TBC1D22A: variants seen among roughly 807,000 people sequenced by gnomAD.
TBC1D22A encodes putative GTPase activator.
In TBC1D22A, 38 loss-of-function variants were observed where a neutral mutation model predicts 60.2. The ratio of observed to expected loss-of-function variants is 0.63; its 90% CI spans 0.49 to 0.83. TBC1D22A has a LOEUF of 0.83. TBC1D22A is among the 40% of genes least tolerant of loss of function. The pLI, the probability that TBC1D22A is intolerant of heterozygous loss-of-function variation, is 0.00. For missense variants in TBC1D22A, 628 were observed against 701.0 expected (o/e 0.90, Z 1.18); for synonymous variants, 302 against 281.7 (o/e 1.07, Z -0.72).
At chr22:47,079,356 G>T (rs1176002408) in intron 11 of TBC1D22A, among the ~76,000 whole-genome samples, 1 of 152,112 alleles carries the variant, frequency 6.6e-6, no homozygotes, top group Non-Finnish European at 1.5e-5. Context: ...CAAAGTACTG[G>T]GATTACAGAC....
chr22:46,880,913 A>C (rs758387870), intron 5 of TBC1D22A, among the ~76,000 whole-genome samples: 1 of 152,140 alleles, frequency 6.6e-6, no homozygotes, highest in Non-Finnish European at 1.5e-5. Flanking sequence ...TGTCGTTGCA[A>C]ATGTTGGGTG....
chr22:47,139,364 C>T (rs1380506703), intron 12 of TBC1D22A, among the ~76,000 whole-genome samples: 2 of 152,216 alleles, frequency 1.3e-5, no homozygotes, highest in African/African-American at 4.8e-5. Flanking sequence ...CCTCCCAGGG[C>T]TCCTTAGCAG....
chr22:46,861,815 T>C (rs1188418390), intron 4 of TBC1D22A, among the ~76,000 whole-genome samples: 1 of 152,268 alleles, frequency 6.6e-6, no homozygotes, highest in Non-Finnish European at 1.5e-5. Context: ...CAGCCCACTC[T>C]GCTTCTCTCT....
chr22:47,081,821 G>A (rs1254488176), intron 11 of TBC1D22A, among the ~76,000 whole-genome samples: 1 of 151,232 alleles, frequency 6.6e-6, no homozygotes, highest in African/African-American at 2.4e-5. Context: ...CATATGGTGA[G>A]ATATACCATG....
intron 11 of TBC1D22A, among the ~76,000 whole-genome samples, chr22:47,068,644 A>T (rs2063858542): frequency 6.6e-6 from 1 of 152,220 alleles, no homozygotes; most frequent in African/African-American, 2.4e-5. Flanking sequence ...TCATGGATTC[A>T]TGTTGCAGTA....
At chr22:47,147,554 C>T (rs1233366277) in intron 12 of TBC1D22A, among the ~76,000 whole-genome samples, 1 of 152,252 alleles carries the variant, frequency 6.6e-6, no homozygotes, top group Non-Finnish European at 1.5e-5. Flanking sequence ...ACATAGTGCC[C>T]TCAGAGAGGC....
At chr22:46,902,617 T>C (rs2069081396) in intron 7 of TBC1D22A, among the ~76,000 whole-genome samples, 1 of 152,280 alleles carries the variant, frequency 6.6e-6, no homozygotes, top group Non-Finnish European at 1.5e-5. Context: ...AGAGCCCCGC[T>C]GTGTCCGCTA....
intron 12 of TBC1D22A, among the ~76,000 whole-genome samples, chr22:47,127,368 C>T (rs369498162): frequency 6.7e-6 from 1 of 150,270 alleles, no homozygotes; most frequent in African/African-American, 2.4e-5. Context: ...GCTGGGATTA[C>T]AGGTGTGTGC....
At chr22:47,065,520 C>T (rs796295829) in intron 11 of TBC1D22A, among the ~76,000 whole-genome samples, 2 of 84,804 alleles carry the variant, frequency 2.4e-5, no homozygotes, top group South Asian at 8.3e-4. Flanking sequence ...GGGGGGCAGG[C>T]CTGGCTCCCT....
intron 1 of TBC1D22A, among the ~76,000 whole-genome samples, chr22:46,788,046 C>G (rs919269675): frequency 1.5e-4 from 23 of 150,936 alleles, no homozygotes. Flanking sequence ...ACACCATTCT[C>G]TTGCCTCAGC....
At chr22:46,982,295 C>T (rs1340880468) in intron 9 of TBC1D22A, among the ~76,000 whole-genome samples, 2 of 150,132 alleles carry the variant, frequency 1.3e-5, no homozygotes, top group African/African-American at 4.9e-5. Context: ...ATGATCTTGG[C>T]ACACTGCAAC....
intron 12 of TBC1D22A, among the ~76,000 whole-genome samples, chr22:47,144,995 A>T (rs66471445): frequency 0.18 from 27,941 of 152,258 alleles, 2,855 homozygotes; most frequent in African/African-American, 0.26. Context: ...GTAGATGTTG[A>T]CTGTAATCGG....
intron 4 of TBC1D22A, among the ~76,000 whole-genome samples, chr22:46,866,027 C>T (rs561870285): frequency 2.6e-5 from 4 of 151,884 alleles, no homozygotes; most frequent in Admixed American, 6.6e-5. Context: ...AGTTCTGTGC[C>T]GAAATTGATG....
At chr22:47,035,372 G>T (rs773942693) in intron 10 of TBC1D22A, among the ~76,000 whole-genome samples, 7 of 152,178 alleles carry the variant, frequency 4.6e-5, no homozygotes, top group Non-Finnish European at 1.0e-4. Flanking sequence ...CCTGTGGGTC[G>T]TGGGCAAGGC....
chr22:47,158,654 C>T (rs1372374995), intron 12 of TBC1D22A, among the ~76,000 whole-genome samples: 2 of 152,126 alleles, frequency 1.3e-5, no homozygotes, highest in Non-Finnish European at 2.9e-5. Flanking sequence ...GCGTCCTGCT[C>T]AGGACCCCCT....
In TBC1D22A at chr22:47,108,052, G is replaced by A. The variant is rs73477469; in HGVS notation, c.1330-3456G>A. On this transcript the variant is annotated intron_variant, in intron 11 of 12. Coordinates refer to ENST00000337137, the MANE Select transcript of TBC1D22A (RefSeq NM_014346.5). ...AATTTAAAACCCACGATCTTCAAAA[G>A]TCACTATTAAGAGGACGAAAAGAGG... Among the ~76,000 whole-genome samples the A allele has an allele frequency of 2.3e-3, 353 of 152,252 alleles. 3 individuals carry two copies. The highest frequency in any genetic ancestry group is 8.1e-3 in the African/African-American group (335 of 41,552).
chr22:47,100,125 C>T (rs2065353090), intron 11 of TBC1D22A, among the ~76,000 whole-genome samples: 1 of 152,204 alleles, frequency 6.6e-6, no homozygotes, highest in South Asian at 2.1e-4. Flanking sequence ...AGGGTGCTGC[C>T]TGGCCCATCC....
chr22:47,158,746 T>C (rs980160761), intron 12 of TBC1D22A, among the ~76,000 whole-genome samples: 11 of 152,072 alleles, frequency 7.2e-5, no homozygotes, highest in African/African-American at 2.4e-4. Context: ...GAGCCTCACA[T>C]CTCAGGAAGA....
At chr22:47,155,355 C>T (rs1181111188) in intron 12 of TBC1D22A, among the ~76,000 whole-genome samples, 1 of 152,228 alleles carries the variant, frequency 6.6e-6, no homozygotes, top group African/African-American at 2.4e-5. Flanking sequence ...AGCTGCCACC[C>T]TGTCCCGGCT....
Sources: allele counts gnomAD v4.1 joint callset (sites outside exome capture counted in the v4.1 genomes callset), GRCh38; gene constraint gnomAD v4.1.1; transcripts MANE v1.5; gene names NCBI Gene and HGNC (gene_info 2026-07-23, HGNC 2026-07-21).